STK38: variants seen among roughly 807,000 people sequenced by gnomAD.
STK38 encodes serine/threonine kinase 38.
Under a neutral mutation model 59.0 loss-of-function variants are expected in STK38, and 26 were observed. The observed-to-expected ratio is 0.44, with a 90% CI of 0.32 to 0.61. The LOEUF (loss-of-function observed/expected upper bound fraction) is 0.61, where lower values mean the gene tolerates loss of function less well. STK38 is among the 20% of genes least tolerant of loss of function. The pLI is 0.04. For missense variants in STK38, 433 were observed against 566.0 expected, an observed-to-expected ratio of 0.76 and a Z score of 2.38; for synonymous variants, 175 against 176.6, an observed-to-expected ratio of 0.99 and a Z score of 0.07.
intron 2 of STK38, among the ~76,000 whole-genome samples, chr6:36,532,213 G>A (rs1052354547): frequency 6.6e-6 from 1 of 150,510 alleles, no homozygotes; most frequent in Non-Finnish European, 1.5e-5. Flanking sequence ...GGGAGGCTAA[G>A]GATGGCTTGA....
intron 2 of STK38, among the ~76,000 whole-genome samples, chr6:36,527,744 A>G (rs1419605132): frequency 1.3e-5 from 2 of 152,100 alleles, no homozygotes. Flanking sequence ...TCTCTCCTCC[A>G]CCACTCATCA....
rs1465583949 is a variant in STK38 at position 36,499,931 on chromosome 6, C to T, written c.894G>A (p.Gly298=). The change falls in exon 10 of 14, where the codon GGG becomes GGA. Residue 298 remains glycine (G), a synonymous_variant. Coordinates refer to ENST00000229812, the MANE Select transcript of STK38 (RefSeq NM_007271.4). The stretch of plus-strand genomic sequence containing the variant: ...ACCACCAATCACAGAGCTTGTTGTA[C>T]CCGGTCTGCATGAACACCTCAGGAG... ...YIAPEVFMQT[G]YNKLCDWWSL... 10 of 1,614,126 alleles carry T rather than the reference C, an allele frequency of 6.2e-6. No homozygotes were observed. Among genetic ancestry groups the T allele is most frequent in the Non-Finnish European group, 6.8e-6 (8 of 1,179,996 alleles).
chr6:36,504,898 C>CA (rs562032331), intron 9 of STK38, among the ~76,000 whole-genome samples: 2,566 of 61,838 alleles, frequency 0.041, 21 homozygotes, highest in Non-Finnish European at 0.058. Flanking sequence ...TCCTGGCCTC[C>CA]AAAAAAAAAA....
In STK38 at chr6:36,526,453, A is replaced by G. The variant is rs143667507; in HGVS notation, c.132-811T>C. Among the ~76,000 whole-genome samples, 189 of 152,306 alleles carry G rather than the reference A, an allele frequency of 1.2e-3. 1 individual carries two copies. The highest frequency in any genetic ancestry group is 4.0e-3 in the African/African-American group (167 of 41,566). ...AAAAGTGATCAAAAAGGTGACTGGC[A>G]CCACTATCAAAACTCCATATATCAG... is the stretch of plus-strand genomic sequence containing the variant. On this transcript the variant is annotated intron_variant, in intron 2 of 13. Coordinates refer to ENST00000229812, the MANE Select transcript of STK38 (RefSeq NM_007271.4).
intron 6 of STK38, among the ~76,000 whole-genome samples, chr6:36,517,135 G>C (rs1283424268): frequency 6.6e-6 from 1 of 151,860 alleles, no homozygotes; most frequent in African/African-American, 2.4e-5. Context: ...ACCAGAGTTT[G>C]CTCAGAGTTC....
At chr6:36,532,333 T>G (rs1777685409) in intron 2 of STK38, among the ~76,000 whole-genome samples, 1 of 151,486 alleles carries the variant, frequency 6.6e-6, no homozygotes, top group Non-Finnish European at 1.5e-5. Flanking sequence ...AAAAAAGGTT[T>G]TAAACCTTGT....
At chr6:36,524,978 C>T (rs1036652721) in intron 3 of STK38, among the ~76,000 whole-genome samples, 1 of 152,068 alleles carries the variant, frequency 6.6e-6, no homozygotes, top group Non-Finnish European at 1.5e-5. Flanking sequence ...ATATTTTCTC[C>T]TACTGTATCT....
At chr6:36,514,834 G>A (rs1171743518) in intron 7 of STK38, among the ~76,000 whole-genome samples, 1 of 142,540 alleles carries the variant, frequency 7.0e-6, no homozygotes, top group Non-Finnish European at 1.5e-5. Flanking sequence ...GGCAAACAGG[G>A]TGAGACTTCA....
chr6:36,527,209 T>A lies in STK38; in HGVS notation c.132-1567A>T, dbSNP rs201710472. Among the ~76,000 whole-genome samples, 988 of 102,036 alleles carry A rather than the reference T, an allele frequency of 9.7e-3. 17 individuals are homozygous for A. Among genetic ancestry groups the A allele is most frequent in the African/African-American group, 0.015 (364 of 24,574 alleles). 66.9% of individuals were successfully genotyped at this position (102,036 alleles called of 152,430 possible). A position where few individuals can be genotyped will look rare whatever the true frequency, so the allele number is the denominator to read the frequency against. On this transcript the variant is annotated intron_variant, in intron 2 of 13. Transcript: ENST00000229812. ...TCCGTCTCAAAAAAAAAAAAAAAAA[T>A]ATATGTATATATATATATATTTATA...
chr6:36,542,868 C>G (rs1017839355), intron 1 of STK38, among the ~76,000 whole-genome samples: 1 of 144,020 alleles, frequency 6.9e-6, no homozygotes, highest in African/African-American at 2.6e-5. Flanking sequence ...ATCGCTTGAA[C>G]CCGGGAGGCA....
chr6:36,497,991 G>C, intron 11 of STK38, 116 bp from the exon 12 acceptor site: 2 of 698,824 alleles, frequency 2.9e-6, no homozygotes, highest in South Asian at 3.9e-5. Flanking sequence ...CCAGGCTGGA[G>C]TGCAGTAGCA....
chr6:36,527,207 A>AT (rs1554168828), intron 2 of STK38, among the ~76,000 whole-genome samples: 4,466 of 119,134 alleles, frequency 0.037, 188 homozygotes, highest in African/African-American at 0.06. Flanking sequence ...AAAAAAAAAA[A>AT]ATATATGTAT....
At chr6:36,518,872 T>A (rs751402245) in intron 5 of STK38, among the ~76,000 whole-genome samples, 1 of 152,260 alleles carries the variant, frequency 6.6e-6, no homozygotes, top group Non-Finnish European at 1.5e-5. Context: ...AAGTAAAACA[T>A]GTACCAAGGT....
intron 10 of STK38, 65 bp downstream of exon 10, chr6:36,499,808 C>T (rs1170606491): frequency 8.0e-7 from 1 of 1,252,232 alleles, no homozygotes; most frequent in Non-Finnish European, 1.2e-6. Context: ...GAAACAGAGG[C>T]TGGTATCAAT....
chr6:36,537,326 G>C (rs1777817156), intron 2 of STK38, among the ~76,000 whole-genome samples: 1 of 152,124 alleles, frequency 6.6e-6, no homozygotes, highest in Non-Finnish European at 1.5e-5. Flanking sequence ...TTGGAAAAAG[G>C]TCTAGCAGTT....
At chr6:36,530,294 A>C (rs904089600) in intron 2 of STK38, among the ~76,000 whole-genome samples, 6 of 150,146 alleles carry the variant, frequency 4.0e-5, no homozygotes, top group Admixed American at 2.6e-4. Context: ...CAGGAAGAGA[A>C]GAGGGGAGCG....
chr6:36,537,688 C>T (rs982027998), intron 2 of STK38, among the ~76,000 whole-genome samples: 4 of 151,788 alleles, frequency 2.6e-5, no homozygotes, highest in Non-Finnish European at 5.9e-5. Flanking sequence ...ACTTGAACCC[C>T]GGAGTTCGAG....
intron 2 of STK38, among the ~76,000 whole-genome samples, chr6:36,533,427 A>G (rs1253348016): frequency 6.6e-6 from 1 of 152,262 alleles, no homozygotes; most frequent in African/African-American, 2.4e-5. Context: ...GGTCTTTCAA[A>G]AAAAGCAAAA....
At chr6:36,525,257 A>T (rs1430285010) in intron 3 of STK38, among the ~76,000 whole-genome samples, 2 of 152,214 alleles carry the variant, frequency 1.3e-5, no homozygotes, top group Non-Finnish European at 2.9e-5. Context: ...AATATTTCAA[A>T]AATTTGCCCT....
Sources: allele counts gnomAD v4.1 joint callset (sites outside exome capture counted in the v4.1 genomes callset), GRCh38; gene constraint gnomAD v4.1.1; transcripts MANE v1.5; gene names NCBI Gene and HGNC (gene_info 2026-07-23, HGNC 2026-07-21).